PSMC6: variants seen among roughly 807,000 people sequenced by gnomAD.
PSMC6 encodes proteasome 26S subunit, ATPase 6.
Under a neutral mutation model 55.9 loss-of-function variants are expected in PSMC6, and 3 were observed. The ratio of observed to expected loss-of-function variants is 0.05; its 90% CI spans 0.02 to 0.14. PSMC6 has a LOEUF of 0.14. PSMC6 is among the 10% of genes least tolerant of loss of function. PSMC6 has a pLI of 1.00. For synonymous variants in PSMC6, 137 were observed against 155.9 expected, an observed-to-expected ratio of 0.88 and a Z score of 0.90; for missense variants, 210 against 478.7, an observed-to-expected ratio of 0.44 and a Z score of 5.24.
chr14:52,716,692 G>A (rs1317902424), intron 7 of PSMC6, among the ~76,000 whole-genome samples: 2 of 152,184 alleles, frequency 1.3e-5, no homozygotes, highest in Non-Finnish European at 2.9e-5. Flanking sequence ...GGCAGAGGTT[G>A]CAGTGAGCTG....
chr14:52,707,216 C>T lies in PSMC6; in HGVS notation c.-4C>T, dbSNP rs199988613. The T allele has an allele frequency of 1.1e-3, 1,757 of 1,613,578 alleles. 3 individuals are homozygous for T. The highest frequency in any genetic ancestry group is 1.3e-3 in the Non-Finnish European group (1,564 of 1,179,768). On this transcript the variant is annotated 5_prime_UTR_variant, in exon 1 of 14. Transcript: ENST00000445930. Reference sequence around the variant, plus strand: ...GCATCCCCTATGAGAGACGGCTTCTCATCATGGCGGACCCTAGAGATAAGG... The same window carrying T: ...GCATCCCCTATGAGAGACGGCTTCTTATCATGGCGGACCCTAGAGATAAGG...
At chr14:52,726,523 T>G (rs1222148996) in intron 13 of PSMC6, among the ~76,000 whole-genome samples, 1 of 152,224 alleles carries the variant, frequency 6.6e-6, no homozygotes, top group Non-Finnish European at 1.5e-5. Flanking sequence ...AATTGCTTCC[T>G]GTCAAGTTAA....
In PSMC6 at chr14:52,718,026, A is replaced by G. The variant is rs1566659475; in HGVS notation, c.530-55A>G. The G allele has an allele frequency of 5.7e-6, 9 of 1,565,606 alleles. No homozygotes were observed. The Admixed American group carries it at 1.2e-4, about 21-fold the overall frequency. ...GGTGACAGAGTGATTGCCTGTCTCA[A>G]AACAAATTTTTTTCTACCTTACCAT... On this transcript the variant is annotated intron_variant, in intron 7 of 13. Coordinates refer to ENST00000445930, the MANE Select transcript of PSMC6 (RefSeq NM_002806.5).
At chr14:52,716,112 A>T (rs1473674465) in intron 7 of PSMC6, among the ~76,000 whole-genome samples, 1 of 152,244 alleles carries the variant, frequency 6.6e-6, no homozygotes. Flanking sequence ...AGTGCACAGG[A>T]TAGACCAATG....
chr14:52,717,806 C>G (rs1010083052), intron 7 of PSMC6, among the ~76,000 whole-genome samples: 2 of 151,812 alleles, frequency 1.3e-5, no homozygotes, highest in African/African-American at 4.8e-5. Flanking sequence ...TCACCTGAGC[C>G]CAAGAGTTCA....
At chr14:52,711,585 C>T in intron 6 of PSMC6, 61 bp downstream of exon 6, 1 of 1,157,392 alleles carries the variant, frequency 8.6e-7, no homozygotes, top group East Asian at 2.5e-5. Flanking sequence ...TTTTAGGATT[C>T]TTAACAGGAG....
intron 4 of PSMC6, chr14:52,709,563 T>C (rs1405277815): frequency 2.2e-6 from 1 of 454,936 alleles, no homozygotes; most frequent in Non-Finnish European, 4.4e-6. Flanking sequence ...GGGATTTTCA[T>C]GTCCCTTTCA....
chr14:52,708,991 C>T, intron 4 of PSMC6, 175 bp downstream of exon 4: 1 of 824,736 alleles, frequency 1.2e-6, no homozygotes, highest in Non-Finnish European at 1.8e-6. Flanking sequence ...TGGGCTTTGA[C>T]TCCTGGCATT....
intron 4 of PSMC6, chr14:52,710,790 G>A (rs2041763580): frequency 5.7e-6 from 2 of 348,832 alleles, no homozygotes; most frequent in African/African-American, 4.3e-5. Flanking sequence ...GTTCACTAAG[G>A]GATTTTTCTA....
chr14:52,724,180 G>T, intron 13 of PSMC6, 144 bp downstream of exon 13: 1 of 691,688 alleles, frequency 1.4e-6, no homozygotes, highest in Non-Finnish European at 2.4e-6. Flanking sequence ...CCAGGAAATA[G>T]GAGAAGCAGG....
At chr14:52,708,706 G>A (rs2041731688) in intron 3 of PSMC6, 58 bp from the exon 4 acceptor site, 1 of 1,605,366 alleles carries the variant, frequency 6.2e-7, no homozygotes, top group Admixed American at 1.7e-5. Flanking sequence ...TGTCAACGTG[G>A]GTATGTATTT....
intron 10 of PSMC6, among the ~76,000 whole-genome samples, chr14:52,720,127 G>A (rs936928266): frequency 1.3e-5 from 2 of 151,230 alleles, no homozygotes; most frequent in African/African-American, 4.9e-5. Context: ...GGAGGCTGAG[G>A]CAGGAGAATT....
intron 1 of PSMC6, chr14:52,707,566 G>T (rs1031212599): frequency 2.4e-5 from 10 of 416,696 alleles, no homozygotes; most frequent in Non-Finnish European, 8.8e-6. Context: ...GAGTGGGGAA[G>T]TGGGCCGAGG....
chr14:52,723,863 A>G, intron 12 of PSMC6, 102 bp from the exon 13 acceptor site: 1 of 1,517,038 alleles, frequency 6.6e-7, no homozygotes, highest in South Asian at 1.3e-5. Context: ...TGTCTAGCTG[A>G]TCAAACTCAA....
intron 7 of PSMC6, among the ~76,000 whole-genome samples, chr14:52,714,277 C>T (rs1311977926): frequency 2.6e-5 from 4 of 152,124 alleles, no homozygotes; most frequent in East Asian, 1.9e-4. Flanking sequence ...TGGACTCAAG[C>T]GATCTGCCCA....
chr14:52,723,007 T>G (rs2139856535), intron 12 of PSMC6: 1 of 152,328 alleles, frequency 6.6e-6, no homozygotes, highest in African/African-American at 2.4e-5. Flanking sequence ...AATAGCTGAT[T>G]GTTGAATTTC....
intron 10 of PSMC6, among the ~76,000 whole-genome samples, chr14:52,720,196 T>G (rs1397316586): frequency 1.6e-5 from 2 of 126,434 alleles, no homozygotes; most frequent in Non-Finnish European, 3.2e-5. Context: ...CACTCCAGCC[T>G]GGGTGACAGA....
intron 7 of PSMC6, among the ~76,000 whole-genome samples, chr14:52,715,104 G>A (rs1034821860): frequency 2.0e-5 from 3 of 148,006 alleles, no homozygotes; most frequent in Admixed American, 6.8e-5. Context: ...TAGCCATTGC[G>A]TTCTTGACTG....
At chr14:52,716,015 A>C (rs2041826676) in intron 7 of PSMC6, among the ~76,000 whole-genome samples, 2 of 152,370 alleles carry the variant, frequency 1.3e-5, no homozygotes, top group South Asian at 4.1e-4. Context: ...GAAAATGTCA[A>C]CATTTGGAAG....
Sources: allele counts gnomAD v4.1 joint callset (sites outside exome capture counted in the v4.1 genomes callset), GRCh38; gene constraint gnomAD v4.1.1; transcripts MANE v1.5; gene names NCBI Gene and HGNC (gene_info 2026-07-23, HGNC 2026-07-21).